TIPIN: variants seen among roughly 807,000 people sequenced by gnomAD.
The protein encoded by TIPIN is TIMELESS-interacting protein.
Under a neutral mutation model 35.6 loss-of-function variants are expected in TIPIN, and 29 were observed. That is an observed-to-expected ratio of 0.82 (90% CI 0.61 to 1.11). TIPIN has a LOEUF of 1.11. Ranked by LOEUF, TIPIN falls within the 50% of genes most tolerant of loss-of-function variation. The pLI is 0.00. For synonymous variants in TIPIN, 102 were observed against 121.5 expected (o/e 0.84, Z 1.06); for missense variants, 296 against 345.4 (o/e 0.86, Z 1.13).
Position 66,336,862 on chromosome 15 carries a change from C to T in TIPIN, c.*96G>A, listed in dbSNP as rs2093047868. 1.1e-6 allele frequency: 1 copy of T among 937,650 alleles called. No homozygotes were observed. The highest frequency in any genetic ancestry group is 1.6e-6 in the Non-Finnish European group (1 of 619,288). The allele number at this position is 937,650 out of a possible 1,614,324, so 58.1% of individuals were successfully genotyped here. A position where few individuals can be genotyped will look rare whatever the true frequency, so the allele number is the denominator to read the frequency against. The stretch of plus-strand genomic sequence containing the variant: ...TAAACAATAATCTATAACAGTTTTA[C>T]TATCTAAGGATTTTCACTCCAAGAA... On this transcript the variant is annotated 3_prime_UTR_variant, in exon 8 of 8. Coordinates refer to ENST00000261881, the MANE Select transcript of TIPIN (RefSeq NM_017858.3).
chr15:66,375,499 T>TTATATATATATATATATATA (rs71139487), intron 1 of TIPIN, among the ~76,000 whole-genome samples: 37 of 132,838 alleles, frequency 2.8e-4, no homozygotes, highest in South Asian at 7.8e-4. Flanking sequence ...ATTGGAAAAG[T>TTATATATATATATATATATA]TATATATATA....
chr15:66,355,094 C>A (rs906846400), intron 1 of TIPIN, among the ~76,000 whole-genome samples: 3 of 138,470 alleles, frequency 2.2e-5, no homozygotes, highest in African/African-American at 8.2e-5. Context: ...AGTGCAGTGG[C>A]GCGATCTCTG....
At chr15:66,353,484 C>T (rs189302925) in intron 1 of TIPIN, among the ~76,000 whole-genome samples, 4 of 151,634 alleles carry the variant, frequency 2.6e-5, no homozygotes, top group Non-Finnish European at 5.9e-5. Context: ...GGCGTGGTGG[C>T]GGGCGCTTGT....
intron 1 of TIPIN, among the ~76,000 whole-genome samples, chr15:66,370,934 G>T (rs368313832): frequency 4.6e-5 from 7 of 152,284 alleles, no homozygotes; most frequent in Admixed American, 2.0e-4. Flanking sequence ...AGCAAGGCCA[G>T]GCGCGGTGGC....
chr15:66,340,034 C>T (rs189726280), intron 7 of TIPIN, among the ~76,000 whole-genome samples: 33 of 151,354 alleles, frequency 2.2e-4, no homozygotes, highest in African/African-American at 7.3e-4. Flanking sequence ...CCACCATGCC[C>T]GGCAAATTTT....
chr15:66,359,520 T>G (rs1273054071), upstream of TIPIN, among the ~76,000 whole-genome samples: 2 of 151,948 alleles, frequency 1.3e-5, no homozygotes, highest in African/African-American at 4.8e-5. Context: ...AATTTTTGTG[T>G]TTTTTGTATT....
intron 6 of TIPIN, chr15:66,347,391 T>G (rs759200543): frequency 5.3e-5 from 23 of 437,090 alleles, no homozygotes; most frequent in Non-Finnish European, 1.0e-4. Flanking sequence ...CCAAGTGAAA[T>G]GCAAACTTTC....
At chr15:66,338,509 C>T (rs1022188019) in intron 7 of TIPIN, among the ~76,000 whole-genome samples, 1 of 151,980 alleles carries the variant, frequency 6.6e-6, no homozygotes, top group African/African-American at 2.4e-5. Context: ...AATAAAACAT[C>T]CATTTATAAA....
intron 1 of TIPIN, among the ~76,000 whole-genome samples, chr15:66,385,571 C>T (rs958144247): frequency 2.6e-5 from 4 of 151,762 alleles, no homozygotes; most frequent in African/African-American, 7.3e-5. Context: ...ATCACTGCAA[C>T]CTCCGCCTCC....
At chr15:66,374,231 A>G (rs1434782867) in intron 1 of TIPIN, among the ~76,000 whole-genome samples, 1 of 151,888 alleles carries the variant, frequency 6.6e-6, no homozygotes, top group Non-Finnish European at 1.5e-5. Flanking sequence ...ATCCCCTCAC[A>G]CTGTGCCCAG....
intron 6 of TIPIN, among the ~76,000 whole-genome samples, chr15:66,346,763 C>G (rs929425886): frequency 1.3e-5 from 2 of 152,074 alleles, no homozygotes; most frequent in Non-Finnish European, 2.9e-5. Flanking sequence ...CATATTTTAC[C>G]AAGAAATTTA....
In TIPIN at chr15:66,336,921, C is replaced by A. The variant is rs754033638; in HGVS notation, c.*37G>T. 3.6e-5 allele frequency: 57 copies of A among 1,575,078 alleles called. No homozygotes were observed. Among genetic ancestry groups the A allele is most frequent in the Non-Finnish European group, 4.3e-5 (50 of 1,150,854 alleles). ...ACATAGTAACGCCAAGCTTGCAGGACGATGACTTAACAGATACATTTTCTC... is the reference window on the plus strand; with the variant it reads ...ACATAGTAACGCCAAGCTTGCAGGAAGATGACTTAACAGATACATTTTCTC... On this transcript the variant is annotated 3_prime_UTR_variant, in exon 8 of 8. Coordinates refer to ENST00000261881, the MANE Select transcript of TIPIN (RefSeq NM_017858.3).
At chr15:66,365,886 C>T (rs563865433) in intron 1 of TIPIN, among the ~76,000 whole-genome samples, 1 of 152,136 alleles carries the variant, frequency 6.6e-6, no homozygotes, top group East Asian at 1.9e-4. Flanking sequence ...TCTTAATAAA[C>T]TTGCTTTCAC....
chr15:66,336,537 G>C lies in TIPIN; in HGVS notation c.*421C>G, dbSNP rs1454686812. ...CCACTGCACTCCAGCCTGGCCAACA[G>C]AGTGAGACTCTGTGTCAAAAAAAAC... On this transcript the variant is annotated 3_prime_UTR_variant, in exon 8 of 8. Coordinates refer to ENST00000261881, the MANE Select transcript of TIPIN (RefSeq NM_017858.3). 1 of 178,048 alleles carries C rather than the reference G, an allele frequency of 5.6e-6. No individual in the cohort carries two copies. The highest frequency in any genetic ancestry group is 1.2e-4 in the South Asian group (1 of 8,362). 11.0% of individuals were successfully genotyped at this position (178,048 alleles called of 1,614,324 possible).
intron 4 of TIPIN, 62 bp downstream of exon 4, chr15:66,351,463 T>G: frequency 8.2e-7 from 1 of 1,217,752 alleles, no homozygotes; most frequent in Non-Finnish European, 1.2e-6. Context: ...AAGATCATAA[T>G]GGGTCCACAT....
At chr15:66,385,173 G>C (rs1328535276) in intron 1 of TIPIN, among the ~76,000 whole-genome samples, 1 of 152,120 alleles carries the variant, frequency 6.6e-6, no homozygotes, top group Non-Finnish European at 1.5e-5. Context: ...CTCCCCTCTT[G>C]GGCCCTACGG....
intron 1 of TIPIN, chr15:66,379,493 T>C (rs1371814381): frequency 1.9e-6 from 3 of 1,609,212 alleles, no homozygotes; most frequent in Non-Finnish European, 2.5e-6. Context: ...TTAATTCATC[T>C]TTCTGGGCTT....
chr15:66,376,230 T>G (rs2093296271), intron 1 of TIPIN, among the ~76,000 whole-genome samples: 1 of 152,216 alleles, frequency 6.6e-6, no homozygotes, highest in African/African-American at 2.4e-5. Flanking sequence ...AGCATAAATA[T>G]GTCTGCCTCA....
chr15:66,379,483 T>C (rs2093309993), intron 1 of TIPIN: 2 of 1,608,692 alleles, frequency 1.2e-6, no homozygotes, highest in East Asian at 2.2e-5. Context: ...CCTTCAAAGA[T>C]TAATTCATCT....
Sources: gnomAD v4.1 joint callset for allele counts (sites outside exome capture counted in the v4.1 genomes callset) on GRCh38, gnomAD v4.1.1 for gene constraint, MANE v1.5 for transcripts, NCBI Gene and HGNC (gene_info 2026-07-23, HGNC 2026-07-21) for gene names.